Variants in CDKAL1 observed in about 807,000 individuals in gnomAD.
The protein encoded by CDKAL1 is CDKAL1 threonylcarbamoyladenosine tRNA methylthiotransferase, also known as threonylcarbamoyladenosine tRNA methylthiotransferase.
A neutral mutation model predicts 68.2 loss-of-function variants in CDKAL1; 32 were observed. The ratio of observed to expected loss-of-function variants is 0.47; its 90% CI spans 0.35 to 0.63. The LOEUF is 0.63. Among genes scored for constraint, CDKAL1 ranks in the 30% least tolerant of loss-of-function variants. The pLI is 0.00. For synonymous variants in CDKAL1, 234 were observed against 244.3 expected, an observed-to-expected ratio of 0.96 and a Z score of 0.39; for missense variants, 606 against 696.7, an observed-to-expected ratio of 0.87 and a Z score of 1.47.
chr6:20,897,294 C>T (rs1359548633), intron 9 of CDKAL1, among the ~76,000 whole-genome samples: 2 of 152,214 alleles, frequency 1.3e-5, no homozygotes, highest in Non-Finnish European at 2.9e-5. Flanking sequence ...AAATGGGACA[C>T]CACAAGAAAA....
chr6:20,807,373 G>A (rs1032255073), intron 8 of CDKAL1, among the ~76,000 whole-genome samples: 1 of 152,114 alleles, frequency 6.6e-6, no homozygotes, highest in African/African-American at 2.4e-5. Context: ...ACAGGCGCAT[G>A]CCACCACGCC....
chr6:20,893,416 A>G (rs1302193493), intron 9 of CDKAL1, among the ~76,000 whole-genome samples: 1 of 152,194 alleles, frequency 6.6e-6, no homozygotes, highest in Non-Finnish European at 1.5e-5. Flanking sequence ...CTGCTTTTCA[A>G]TAATCACAAT....
chr6:20,715,738 A>G (rs1419189927), intron 5 of CDKAL1, among the ~76,000 whole-genome samples: 4 of 152,120 alleles, frequency 2.6e-5, no homozygotes, highest in Non-Finnish European at 5.9e-5. Context: ...TGTCTTTTTG[A>G]TAACAGCTAT....
chr6:21,059,891 T>A (rs1183333308), intron 11 of CDKAL1, among the ~76,000 whole-genome samples: 6 of 152,190 alleles, frequency 3.9e-5, no homozygotes, highest in Non-Finnish European at 8.8e-5. Flanking sequence ...TGATGTGTGG[T>A]TTTTTTATCC....
chr6:20,842,167 A>C (rs1467522421), intron 8 of CDKAL1, among the ~76,000 whole-genome samples: 1 of 152,222 alleles, frequency 6.6e-6, no homozygotes, highest in East Asian at 1.9e-4. Flanking sequence ...ATTGGTCAAC[A>C]TAATTCTTGG....
intron 12 of CDKAL1, among the ~76,000 whole-genome samples, chr6:21,072,079 A>G (rs1316360525): frequency 6.6e-6 from 1 of 152,184 alleles, no homozygotes; most frequent in Non-Finnish European, 1.5e-5. Context: ...TAGTTCTTCT[A>G]GTACCCAGCT....
At chr6:21,138,730 A>G (rs905015025) in intron 13 of CDKAL1, among the ~76,000 whole-genome samples, 1 of 152,178 alleles carries the variant, frequency 6.6e-6, no homozygotes, top group Non-Finnish European at 1.5e-5. Flanking sequence ...CATTTCTCAC[A>G]TCTTTCAATG....
intron 8 of CDKAL1, among the ~76,000 whole-genome samples, chr6:20,830,301 A>C (rs1777661578): frequency 6.6e-6 from 1 of 152,180 alleles, no homozygotes; most frequent in South Asian, 2.1e-4. Flanking sequence ...CAAACCAATA[A>C]ATTAACTAAA....
intron 9 of CDKAL1, among the ~76,000 whole-genome samples, chr6:20,880,714 C>G (rs1561853616): frequency 6.6e-6 from 1 of 151,854 alleles, no homozygotes; most frequent in Non-Finnish European, 1.5e-5. Flanking sequence ...TAATGTGGGT[C>G]TGAGAACATA....
chr6:20,552,445 A>G (rs1418164065), intron 4 of CDKAL1, among the ~76,000 whole-genome samples: 1 of 152,112 alleles, frequency 6.6e-6, no homozygotes, highest in Non-Finnish European at 1.5e-5. Context: ...TTTTAATTAA[A>G]TTTTAATCCA....
At chr6:20,629,298 G>A (rs1033841254) in intron 4 of CDKAL1, among the ~76,000 whole-genome samples, 2 of 152,076 alleles carry the variant, frequency 1.3e-5, no homozygotes, top group East Asian at 3.9e-4. Context: ...TTCTCTCTCA[G>A]TGCATCTTAT....
intron 10 of CDKAL1, among the ~76,000 whole-genome samples, chr6:20,958,618 G>GA (rs1764902004): frequency 6.6e-6 from 1 of 152,074 alleles, no homozygotes; most frequent in Non-Finnish European, 1.5e-5. Flanking sequence ...GATGAAAACA[G>GA]AAAAAAATAA....
At chr6:21,011,678 C>T (rs1318582550) in intron 11 of CDKAL1, among the ~76,000 whole-genome samples, 1 of 152,042 alleles carries the variant, frequency 6.6e-6, no homozygotes, top group African/African-American at 2.4e-5. Flanking sequence ...ATCCAGTATG[C>T]AAGGAACATA....
chr6:20,934,857 C>T (rs1434665277), intron 9 of CDKAL1, among the ~76,000 whole-genome samples: 1 of 151,100 alleles, frequency 6.6e-6, no homozygotes, highest in African/African-American at 2.4e-5. Flanking sequence ...CGCAAAGAAA[C>T]AAAGCAAAAC....
intron 4 of CDKAL1, among the ~76,000 whole-genome samples, chr6:20,603,768 A>T (rs1015120376): frequency 1.3e-4 from 11 of 85,192 alleles, no homozygotes; most frequent in Admixed American, 1.8e-4. Context: ...CAGTTGCTAA[A>T]TTTTTTTTTT....
intron 5 of CDKAL1, among the ~76,000 whole-genome samples, chr6:20,677,336 T>C (rs543200959): frequency 6.6e-6 from 1 of 152,096 alleles, no homozygotes; most frequent in Non-Finnish European, 1.5e-5. Flanking sequence ...TCTCAAAGTG[T>C]TGGGATTACA....
chr6:20,722,558 C>T (rs1581447190), intron 5 of CDKAL1: 2 of 307,314 alleles, frequency 6.5e-6, no homozygotes, highest in East Asian at 1.9e-4. Context: ...CCTGGGCACA[C>T]ATAGAATCCT....
At chr6:20,536,382 T>C (rs1251679967) in intron 2 of CDKAL1, among the ~76,000 whole-genome samples, 1 of 152,210 alleles carries the variant, frequency 6.6e-6, no homozygotes, top group African/African-American at 2.4e-5. Context: ...GCTCCTAAAT[T>C]TAGGTCTATG....
At chr6:20,601,155 C>T (rs555832553) in intron 4 of CDKAL1, among the ~76,000 whole-genome samples, 5 of 152,084 alleles carry the variant, frequency 3.3e-5, no homozygotes, top group East Asian at 3.9e-4. Context: ...GTGTTATTGA[C>T]GAATGCCTTG....
Sources: gnomAD v4.1 joint callset for allele counts (sites outside exome capture counted in the v4.1 genomes callset) on GRCh38, gnomAD v4.1.1 for gene constraint, MANE v1.5 for transcripts, NCBI Gene and HGNC (gene_info 2026-07-23, HGNC 2026-07-21) for gene names.